Variants in HMG20A observed in about 807,000 individuals in gnomAD.
HMG20A encodes the protein high mobility group 20A.
In HMG20A, 17 loss-of-function variants were observed where a neutral mutation model predicts 43.9. The observed-to-expected ratio is 0.39, with a 90% CI of 0.27 to 0.58. HMG20A has a LOEUF of 0.58. HMG20A is among the 20% of genes least tolerant of loss of function. HMG20A has a pLI of 0.59. For synonymous variants in HMG20A, 132 were observed against 147.5 expected, an observed-to-expected ratio of 0.89 and a Z score of 0.76; for missense variants, 341 against 438.2, an observed-to-expected ratio of 0.78 and a Z score of 1.98.
intron 1 of HMG20A, among the ~76,000 whole-genome samples, chr15:77,442,764 A>G (rs923171676): frequency 2.6e-5 from 4 of 152,146 alleles, no homozygotes; most frequent in African/African-American, 9.7e-5. Flanking sequence ...AAATCCTTCT[A>G]ATGGTGTTTT....
chr15:77,498,661 C>A, the HMG20A span, among the ~76,000 whole-genome samples: 2 of 152,288 alleles, frequency 1.3e-5, no homozygotes, highest in Non-Finnish European at 2.9e-5. Context: ...CTCCTCAGCT[C>A]CTGGAGACAT....
At chr15:77,517,474 C>T in the HMG20A span, among the ~76,000 whole-genome samples, 9 of 151,340 alleles carry the variant, frequency 5.9e-5, no homozygotes, top group African/African-American at 2.2e-4. Flanking sequence ...AATGGCAGTT[C>T]GAGGGATTCT....
chr15:77,517,009 C>T, the HMG20A span, among the ~76,000 whole-genome samples: 19 of 152,346 alleles, frequency 1.2e-4, no homozygotes, highest in Admixed American at 5.9e-4. Context: ...GTCAGTCCCT[C>T]GTCCAGACCC....
intron 1 of HMG20A, among the ~76,000 whole-genome samples, chr15:77,427,725 T>C (rs1048306182): frequency 6.6e-6 from 1 of 152,198 alleles, no homozygotes; most frequent in African/African-American, 2.4e-5. Flanking sequence ...AAAAAAATTT[T>C]ATTCAGTGCT....
At chr15:77,503,856 C>T in the HMG20A span, among the ~76,000 whole-genome samples, 1 of 152,058 alleles carries the variant, frequency 6.6e-6, no homozygotes, top group Non-Finnish European at 1.5e-5. Context: ...TGTATGCTCC[C>T]GGTCTCTGGA....
intron 4 of HMG20A, among the ~76,000 whole-genome samples, chr15:77,470,018 C>G (rs1175334441): frequency 6.6e-6 from 1 of 152,146 alleles, no homozygotes; most frequent in Non-Finnish European, 1.5e-5. Context: ...GGTATTGTGT[C>G]TGTTATAAAT....
At chr15:77,494,522 G>A in the HMG20A span, among the ~76,000 whole-genome samples, 1 of 152,194 alleles carries the variant, frequency 6.6e-6, no homozygotes, top group African/African-American at 2.4e-5. Context: ...GCTTAAATCA[G>A]TCAGTACCTG....
the HMG20A span, among the ~76,000 whole-genome samples, chr15:77,500,477 G>A: frequency 1.3e-5 from 2 of 152,070 alleles, no homozygotes; most frequent in African/African-American, 4.8e-5. Flanking sequence ...GTCTCCAAAT[G>A]CATCTCCTGT....
chr15:77,432,488 G>A (rs1266869937), intron 1 of HMG20A, among the ~76,000 whole-genome samples: 2 of 152,072 alleles, frequency 1.3e-5, no homozygotes, highest in Admixed American at 6.6e-5. Flanking sequence ...TTGGGAGGCC[G>A]AGGTGGGTGG....
chr15:77,450,132 TTTTA>T (rs1327990249), intron 1 of HMG20A, among the ~76,000 whole-genome samples: 5 of 152,152 alleles, frequency 3.3e-5, no homozygotes, highest in Admixed American at 2.6e-4. Flanking sequence ...TTATTTATTT[TTTTA>T]TTTGTTTTTT....
the HMG20A span, among the ~76,000 whole-genome samples, chr15:77,512,414 T>G: frequency 6.6e-6 from 1 of 151,656 alleles, no homozygotes; most frequent in African/African-American, 2.4e-5. Context: ...ATGTGTATTT[T>G]ACCACAATTT....
intron 6 of HMG20A, among the ~76,000 whole-genome samples, chr15:77,474,750 G>A (rs762394700): frequency 3.9e-5 from 6 of 152,090 alleles, no homozygotes; most frequent in Non-Finnish European, 7.4e-5. Context: ...CATAGCAGTG[G>A]GGCACTTCAG....
chr15:77,427,417 A>G (rs1220438343), intron 1 of HMG20A, among the ~76,000 whole-genome samples: 2 of 152,174 alleles, frequency 1.3e-5, no homozygotes, highest in Admixed American at 1.3e-4. Flanking sequence ...GTAGTTCTAG[A>G]TATGATACCT....
At position 77,479,156 on chromosome 15, in the gene HMG20A, ACTTT is replaced by A. The variant is rs763787760; in HGVS notation, c.908-19_908-16del. ...ACAACTGAATAGGGAGGATTTTCTTACTTTCTTCTTATCTCACTTCAGGAAGTGG... is the reference window on the plus strand; with the variant it reads ...ACAACTGAATAGGGAGGATTTTCTTACTTCTTATCTCACTTCAGGAAGTGG... On this transcript the variant is annotated intron_variant, in intron 8 of 9. Transcript: ENST00000336216. The A allele has an allele frequency of 5.0e-6, 8 of 1,611,694 alleles. No individual in the cohort carries two copies. Among genetic ancestry groups the A allele is most frequent in the Non-Finnish European group, 6.8e-6 (8 of 1,178,022 alleles).
chr15:77,493,327 G>T, the HMG20A span, among the ~76,000 whole-genome samples: 1 of 152,068 alleles, frequency 6.6e-6, no homozygotes, highest in South Asian at 2.1e-4. Context: ...AGGACTTAGG[G>T]AGAGTCAGGA....
At chr15:77,423,541 C>G (rs1334875983) in intron 1 of HMG20A, among the ~76,000 whole-genome samples, 2 of 152,074 alleles carry the variant, frequency 1.3e-5, no homozygotes, top group African/African-American at 2.4e-5. Flanking sequence ...AAGAAAGTGT[C>G]AAATCTTTTT....
At chr15:77,434,024 C>T (rs983444571) in intron 1 of HMG20A, among the ~76,000 whole-genome samples, 5 of 152,116 alleles carry the variant, frequency 3.3e-5, no homozygotes, top group Admixed American at 2.6e-4. Flanking sequence ...GTGGTAATGG[C>T]GCAAGGATAG....
chr15:77,452,391 T>C (rs2072612069), intron 1 of HMG20A, among the ~76,000 whole-genome samples: 1 of 152,190 alleles, frequency 6.6e-6, no homozygotes, highest in Non-Finnish European at 1.5e-5. Flanking sequence ...TAGTACAGAA[T>C]GCTCTGGTAG....
chr15:77,486,609 T>C (rs1393638363), downstream of HMG20A, among the ~76,000 whole-genome samples: 2 of 152,234 alleles, frequency 1.3e-5, no homozygotes, highest in Non-Finnish European at 2.9e-5. Context: ...AAAGGAAATT[T>C]GTCACCTATT....
Sources: gnomAD v4.1 joint callset for allele counts (sites outside exome capture counted in the v4.1 genomes callset) on GRCh38, gnomAD v4.1.1 for gene constraint, MANE v1.5 for transcripts, NCBI Gene and HGNC (gene_info 2026-07-23, HGNC 2026-07-21) for gene names.